DLG2: variants seen among roughly 807,000 people sequenced by gnomAD.
DLG2 encodes discs large MAGUK scaffold protein 2, also known as disks large homolog 2.
In DLG2, 45 loss-of-function variants were observed where a neutral mutation model predicts 132.5. The observed-to-expected ratio is 0.34, with a 90% CI of 0.27 to 0.44. DLG2 has a LOEUF of 0.44. Ranked by LOEUF, DLG2 falls within the 20% of genes least tolerant of loss-of-function variation. The pLI, the probability that DLG2 is intolerant of heterozygous loss-of-function variation, is 1.00. For synonymous variants in DLG2, 424 were observed against 419.6 expected (o/e 1.01, Z -0.13); for missense variants, 1,045 against 1,196.9 (o/e 0.87, Z 1.87).
intron 3 of DLG2, among the ~76,000 whole-genome samples, chr11:85,307,599 C>G (rs1352344527): frequency 6.6e-6 from 1 of 152,202 alleles, no homozygotes; most frequent in Non-Finnish European, 1.5e-5. Flanking sequence ...CTCAATTTCA[C>G]AGGAATGTTG....
chr11:83,955,501 C>T (rs1218025677), intron 14 of DLG2, among the ~76,000 whole-genome samples: 1 of 152,162 alleles, frequency 6.6e-6, no homozygotes, highest in Non-Finnish European at 1.5e-5. Flanking sequence ...CAGCCTGAAA[C>T]CCATGGCCCA....
intron 8 of DLG2, among the ~76,000 whole-genome samples, chr11:84,241,097 A>C (rs1181190153): frequency 6.6e-6 from 1 of 152,198 alleles, no homozygotes; most frequent in Non-Finnish European, 1.5e-5. Context: ...TACTTTGCCT[A>C]GAAATGTCTT....
Position 84,703,857 on chromosome 11 carries a change from GATAT to G in DLG2, c.358-169130_358-169127del, listed in dbSNP as rs5793132. ...AATAATGCTAAAACTATGTAGTGAAGATATATATATATATATATATATATATACA... is the reference window on the plus strand; with the variant it reads ...AATAATGCTAAAACTATGTAGTGAAGATATATATATATATATATATATACA... On this transcript the variant is annotated intron_variant, in intron 6 of 27. Coordinates refer to ENST00000376104, the MANE Select transcript of DLG2 (RefSeq NM_001142699.3). Among the ~76,000 whole-genome samples, 945 of 102,666 alleles carry G rather than the reference GATAT, an allele frequency of 9.2e-3. 20 individuals are homozygous for G. The highest frequency in any genetic ancestry group is 0.02 in the South Asian group (56 of 2,838). The allele number at this position is 102,666 out of a possible 152,430, so 67.4% of individuals were successfully genotyped here.
intron 6 of DLG2, among the ~76,000 whole-genome samples, chr11:84,630,409 T>C (rs946004704): frequency 2.0e-5 from 3 of 152,226 alleles, no homozygotes; most frequent in Non-Finnish European, 4.4e-5. Context: ...CAACTCTCTT[T>C]TGCTTTAGAA....
chr11:83,496,053 T>A (rs1353043699), intron 21 of DLG2, among the ~76,000 whole-genome samples: 3 of 152,096 alleles, frequency 2.0e-5, no homozygotes, highest in Non-Finnish European at 4.4e-5. Context: ...AGTCACAAAG[T>A]GGGAAACAAT....
At chr11:85,400,641 A>G (rs921192041) in intron 3 of DLG2, among the ~76,000 whole-genome samples, 4 of 146,028 alleles carry the variant, frequency 2.7e-5, no homozygotes, top group Non-Finnish European at 6.0e-5. Flanking sequence ...AGGGACATGG[A>G]TGAAATTGGA....
At chr11:85,134,049 GGAGAGTGAGA>G (rs1242955138) in intron 5 of DLG2, among the ~76,000 whole-genome samples, 5 of 149,064 alleles carry the variant, frequency 3.4e-5, no homozygotes, top group Non-Finnish European at 4.5e-5. Flanking sequence ...GGAGAGTGAG[GGAGAGTGAGA>G]GAGAGTGAAT....
chr11:84,096,730 C>T (rs1023330344), intron 10 of DLG2, among the ~76,000 whole-genome samples: 3 of 152,064 alleles, frequency 2.0e-5, no homozygotes, highest in African/African-American at 7.2e-5. Flanking sequence ...AACAGAATCC[C>T]CACGATGACT....
intron 6 of DLG2, among the ~76,000 whole-genome samples, chr11:84,959,914 G>A (rs2052301810): frequency 6.6e-6 from 1 of 152,110 alleles, no homozygotes; most frequent in Non-Finnish European, 1.5e-5. Context: ...GTTAAGTAAA[G>A]GCTTAGAAAT....
chr11:83,997,160 T>C (rs71465587), intron 11 of DLG2, among the ~76,000 whole-genome samples: 3,365 of 150,974 alleles, frequency 0.022, 66 homozygotes, highest in Middle Eastern at 0.034. Context: ...CTTAAAGGGG[T>C]GAAAAACTAT....
At chr11:85,423,541 C>G (rs1213845993) in intron 3 of DLG2, among the ~76,000 whole-genome samples, 1 of 152,078 alleles carries the variant, frequency 6.6e-6, no homozygotes, top group South Asian at 2.1e-4. Flanking sequence ...TAGGGAAGAA[C>G]CACTGGGTGG....
chr11:83,850,990 C>T (rs1423807318), intron 16 of DLG2, among the ~76,000 whole-genome samples: 1 of 151,978 alleles, frequency 6.6e-6, no homozygotes, highest in Non-Finnish European at 1.5e-5. Context: ...TCCTGGCTAA[C>T]ACGGTGAAAC....
At chr11:84,636,138 T>G (rs1305924807) in intron 6 of DLG2, among the ~76,000 whole-genome samples, 1 of 152,196 alleles carries the variant, frequency 6.6e-6, no homozygotes, top group Non-Finnish European at 1.5e-5. Context: ...TAAGTTTTTC[T>G]TTTGCTTACA....
intron 21 of DLG2, among the ~76,000 whole-genome samples, chr11:83,529,444 A>G (rs530029933): frequency 6.6e-6 from 1 of 152,284 alleles, no homozygotes; most frequent in East Asian, 1.9e-4. Flanking sequence ...TTGATTTATT[A>G]CCAATTAATG....
At chr11:83,706,716 G>A (rs2084091521) in intron 18 of DLG2, among the ~76,000 whole-genome samples, 1 of 152,214 alleles carries the variant, frequency 6.6e-6, no homozygotes, top group Non-Finnish European at 1.5e-5. Flanking sequence ...GTTGCCACAT[G>A]CGATGCCAAC....
chr11:83,863,960 C>T (rs1595619463), intron 16 of DLG2, among the ~76,000 whole-genome samples: 2 of 152,098 alleles, frequency 1.3e-5, no homozygotes, highest in South Asian at 4.1e-4. Flanking sequence ...TGCAATTTCC[C>T]ATCAATGTTC....
At chr11:85,528,379 G>C (rs971405202) in intron 3 of DLG2, among the ~76,000 whole-genome samples, 22 of 152,194 alleles carry the variant, frequency 1.4e-4, no homozygotes, top group Non-Finnish European at 2.4e-4. Flanking sequence ...GTAAGGAAGG[G>C]GTCCAGTTTC....
intron 18 of DLG2, among the ~76,000 whole-genome samples, chr11:83,752,674 A>G (rs2093379085): frequency 1.3e-5 from 2 of 152,206 alleles, no homozygotes; most frequent in Admixed American, 1.3e-4. Flanking sequence ...AGATTGTTTA[A>G]TTGTTTTAAG....
intron 5 of DLG2, among the ~76,000 whole-genome samples, chr11:85,127,717 C>G (rs2075295693): frequency 1.3e-5 from 2 of 152,192 alleles, no homozygotes; most frequent in South Asian, 4.1e-4. Flanking sequence ...CAAGACCACT[C>G]AGGAAACCAT....
Sources: gnomAD v4.1 joint callset for allele counts (sites outside exome capture counted in the v4.1 genomes callset) on GRCh38, gnomAD v4.1.1 for gene constraint, MANE v1.5 for transcripts, NCBI Gene and HGNC (gene_info 2026-07-23, HGNC 2026-07-21) for gene names.